Variants in TAFA1 observed in about 807,000 individuals in gnomAD.
TAFA1 encodes the protein TAFA chemokine like family member 1, also known as chemokine-like protein TAFA-1.
Under a neutral mutation model 18.5 loss-of-function variants are expected in TAFA1, and 4 were observed. That is an observed-to-expected ratio of 0.22 (90% CI 0.11 to 0.49). The LOEUF (loss-of-function observed/expected upper bound fraction) is 0.49, where lower values mean the gene tolerates loss of function less well. Ranked by LOEUF, TAFA1 falls within the 20% of genes least tolerant of loss-of-function variation. The pLI is 0.98. For synonymous variants in TAFA1, 56 were observed against 55.2 expected, an observed-to-expected ratio of 1.01 and a Z score of -0.06; for missense variants, 147 against 169.0, an observed-to-expected ratio of 0.87 and a Z score of 0.72.
intron 2 of TAFA1, among the ~76,000 whole-genome samples, chr3:68,100,393 G>A (rs890943174): frequency 1.3e-5 from 2 of 152,038 alleles, no homozygotes; most frequent in African/African-American, 4.8e-5. Context: ...CTGAGGCAGG[G>A]CAATTGCTTG....
chr3:68,418,594 C>T (rs989973366), intron 3 of TAFA1, among the ~76,000 whole-genome samples: 1 of 147,088 alleles, frequency 6.8e-6, no homozygotes, highest in African/African-American at 2.5e-5. Flanking sequence ...TGTGTACGTG[C>T]AAGTCACAGG....
intron 2 of TAFA1, among the ~76,000 whole-genome samples, chr3:68,390,289 C>G (rs1433895575): frequency 6.6e-6 from 1 of 152,138 alleles, no homozygotes; most frequent in East Asian, 1.9e-4. Flanking sequence ...CTACTGTAGC[C>G]AGACTGCCTC....
intron 3 of TAFA1, among the ~76,000 whole-genome samples, chr3:68,476,928 G>T (rs1314753316): frequency 6.6e-6 from 1 of 151,738 alleles, no homozygotes; most frequent in Non-Finnish European, 1.5e-5. Context: ...ATATTAAAAG[G>T]CTGCTGGAAT....
intron 2 of TAFA1, among the ~76,000 whole-genome samples, chr3:68,300,049 G>T (rs1182858731): frequency 6.6e-6 from 1 of 152,244 alleles, no homozygotes; most frequent in Admixed American, 6.5e-5. Context: ...CCCCACGGGG[G>T]CACTGTCTAG....
intron 2 of TAFA1, among the ~76,000 whole-genome samples, chr3:68,212,050 G>A (rs992796954): frequency 6.6e-6 from 1 of 151,974 alleles, no homozygotes; most frequent in African/African-American, 2.4e-5. Flanking sequence ...GCATTGAGAT[G>A]GAAAATAAGT....
At chr3:68,363,018 C>G (rs2069499781) in intron 2 of TAFA1, among the ~76,000 whole-genome samples, 1 of 111,742 alleles carries the variant, frequency 8.9e-6, no homozygotes, top group African/African-American at 3.5e-5. Flanking sequence ...TTTAACTGTC[C>G]TGACTTTAAA....
At chr3:68,342,829 C>A (rs2069107040) in intron 2 of TAFA1, among the ~76,000 whole-genome samples, 1 of 152,172 alleles carries the variant, frequency 6.6e-6, no homozygotes, top group African/African-American at 2.4e-5. Context: ...CTGGCCTTTA[C>A]AATATGAGCT....
intron 3 of TAFA1, among the ~76,000 whole-genome samples, chr3:68,459,513 C>T (rs1172078738): frequency 6.6e-6 from 1 of 151,988 alleles, no homozygotes; most frequent in Non-Finnish European, 1.5e-5. Context: ...AGTAATGATT[C>T]AGACTAAACT....
intron 2 of TAFA1, among the ~76,000 whole-genome samples, chr3:68,292,513 C>T (rs115899105): frequency 3.1e-3 from 467 of 151,390 alleles, no homozygotes; most frequent in African/African-American, 0.01. Flanking sequence ...TTTTCATAAT[C>T]GTTTGCCTCT....
intron 2 of TAFA1, among the ~76,000 whole-genome samples, chr3:68,328,722 A>T (rs1403116408): frequency 6.6e-6 from 1 of 152,004 alleles, no homozygotes; most frequent in Non-Finnish European, 1.5e-5. Context: ...TATACTCTTT[A>T]TTTTTTTATT....
chr3:68,468,965 G>A (rs777671337), intron 3 of TAFA1, among the ~76,000 whole-genome samples: 10 of 152,094 alleles, frequency 6.6e-5, no homozygotes, highest in Non-Finnish European at 8.8e-5. Flanking sequence ...TGTCAAAGTG[G>A]TTGGTTCATT....
chr3:68,234,669 G>C (rs995767348), intron 2 of TAFA1, among the ~76,000 whole-genome samples: 2 of 151,156 alleles, frequency 1.3e-5, no homozygotes, highest in South Asian at 4.1e-4. Flanking sequence ...AGATAGAGTC[G>C]AGTCATCACT....
intron 2 of TAFA1, among the ~76,000 whole-genome samples, chr3:68,138,959 A>AAG (rs1297704213): frequency 2.0e-4 from 31 of 152,148 alleles, no homozygotes; most frequent in African/African-American, 7.2e-4. Flanking sequence ...TGTCAAAGGG[A>AAG]GAAACTAAGA....
At chr3:68,307,630 T>C (rs1185193149) in intron 2 of TAFA1, among the ~76,000 whole-genome samples, 2 of 152,256 alleles carry the variant, frequency 1.3e-5, no homozygotes, top group Non-Finnish European at 2.9e-5. Context: ...ATTTATATTT[T>C]ATCTCTACTA....
intron 3 of TAFA1, among the ~76,000 whole-genome samples, chr3:68,495,820 G>A (rs1260767183): frequency 6.6e-6 from 1 of 151,986 alleles, no homozygotes; most frequent in Non-Finnish European, 1.5e-5. Context: ...AACCAAGAAA[G>A]GAATTTACAT....
chr3:68,358,772 TA>T (rs1455336213), intron 2 of TAFA1, among the ~76,000 whole-genome samples: 1 of 152,086 alleles, frequency 6.6e-6, no homozygotes, highest in East Asian at 1.9e-4. Context: ...GTATTAGTGA[TA>T]CCTTGCTGGT....
intron 3 of TAFA1, among the ~76,000 whole-genome samples, chr3:68,433,111 G>T (rs911120526): frequency 1.3e-5 from 2 of 152,002 alleles, no homozygotes; most frequent in African/African-American, 4.8e-5. Flanking sequence ...TGAAAATGGA[G>T]CACACATTTC....
intron 2 of TAFA1, among the ~76,000 whole-genome samples, chr3:68,285,963 A>C (rs986847775): frequency 6.6e-6 from 1 of 152,212 alleles, no homozygotes; most frequent in African/African-American, 2.4e-5. Flanking sequence ...CCATAATCCC[A>C]GCACTTTGGG....
intron 3 of TAFA1, among the ~76,000 whole-genome samples, chr3:68,479,190 C>T (rs1451599542): frequency 7.0e-6 from 1 of 142,808 alleles, no homozygotes; most frequent in East Asian, 2.1e-4. Context: ...GAGATTGTGC[C>T]ACTGCACTCC....
Sources: allele counts gnomAD v4.1 joint callset (sites outside exome capture counted in the v4.1 genomes callset), GRCh38; gene constraint gnomAD v4.1.1; transcripts MANE v1.5; gene names NCBI Gene and HGNC (gene_info 2026-07-23, HGNC 2026-07-21).